The following CHST11 variants were observed in gnomAD, a reference collection of about 807,000 sequenced individuals.
CHST11 encodes the protein C4S-1.
A neutral mutation model predicts 30.4 loss-of-function variants in CHST11; 9 were observed. The observed-to-expected ratio is 0.30, with a 90% CI of 0.18 to 0.52. The LOEUF is 0.52. CHST11 is among the 20% of genes least tolerant of loss of function. CHST11 has a pLI of 0.97. For synonymous variants in CHST11, 152 were observed against 187.8 expected (o/e 0.81, Z 1.56); for missense variants, 348 against 460.6 (o/e 0.76, Z 2.24).
Position 104,564,914 on chromosome 12 carries a change from A to G in CHST11, c.119-36992A>G, listed in dbSNP as rs532609484. Among the ~76,000 whole-genome samples the G allele has an allele frequency of 1.2e-4, 19 of 152,238 alleles. No homozygotes were observed. In the East Asian group the frequency reaches 3.5e-3, roughly 28 times the overall value. Reference sequence around the variant, plus strand: ...CAGGGGAACTGCCCTTTATGAAACCATGAGATCTCTTGAGATTTACTCACT... The same window carrying G: ...CAGGGGAACTGCCCTTTATGAAACCGTGAGATCTCTTGAGATTTACTCACT... On this transcript the variant is annotated intron_variant, in intron 1 of 2. Coordinates refer to ENST00000303694, the MANE Select transcript of CHST11 (RefSeq NM_018413.6).
intron 2 of CHST11, among the ~76,000 whole-genome samples, chr12:104,733,354 T>G (rs1056041145): frequency 3.9e-5 from 6 of 152,142 alleles, no homozygotes; most frequent in African/African-American, 1.2e-4. Flanking sequence ...TATAAGGCCT[T>G]TGTGGGAGGC....
intron 1 of CHST11, among the ~76,000 whole-genome samples, chr12:104,493,541 T>C (rs2037770663): frequency 6.6e-6 from 1 of 152,106 alleles, no homozygotes; most frequent in Middle Eastern, 3.4e-3. Flanking sequence ...GGGGTGGAAA[T>C]AGTGTATGCG....
intron 2 of CHST11, among the ~76,000 whole-genome samples, chr12:104,627,806 G>T (rs771569540): frequency 3.9e-5 from 6 of 152,196 alleles, no homozygotes; most frequent in Non-Finnish European, 7.3e-5. Flanking sequence ...TGGTGGTGGT[G>T]GAGGATGACA....
Position 104,743,339 on chromosome 12 carries a change from C to T in CHST11, c.205-13610C>T, listed in dbSNP as rs539749305. On this transcript the variant is annotated intron_variant, in intron 2 of 2. Coordinates refer to ENST00000303694, the MANE Select transcript of CHST11 (RefSeq NM_018413.6). ...CTGAGTGTGAGCCTTCCTAACTGCA[C>T]CCAGGGACTCCCACAGTCTGGCTGG... 4.6e-5 allele frequency among the ~76,000 whole-genome samples: 7 copies of T among 152,296 alleles called. No homozygotes were observed. The East Asian group carries it at 1.4e-3, about 29-fold the overall frequency.
intron 1 of CHST11, among the ~76,000 whole-genome samples, chr12:104,539,603 C>T (rs7957854): frequency 0.043 from 6,582 of 152,164 alleles, 490 homozygotes; most frequent in African/African-American, 0.15. Context: ...AGCCAGGACA[C>T]GTTAGGACCC....
chr12:104,730,103 A>G (rs2040245378), intron 2 of CHST11, among the ~76,000 whole-genome samples: 1 of 152,160 alleles, frequency 6.6e-6, no homozygotes, highest in South Asian at 2.1e-4. Context: ...GCCTCCGTCT[A>G]GGGCCTTGTA....
chr12:104,632,305 G>T (rs748460265), intron 2 of CHST11, among the ~76,000 whole-genome samples: 1 of 152,174 alleles, frequency 6.6e-6, no homozygotes. Context: ...CATTTAGTTT[G>T]CAGGAGCCTA....
rs1399328426 is a variant in CHST11, at chr12:104,556,433, T to G, written c.119-45473T>G. 3.9e-5 allele frequency among the ~76,000 whole-genome samples: 6 copies of G among 152,274 alleles called. No homozygotes were observed. In the East Asian group the frequency reaches 1.2e-3, roughly 29 times the overall value. Reference sequence around the variant, plus strand: ...TCTCATTATCATAAAGTGGGTTGCTTGAAACAGACATTTATCCTCTCATGG... The same window carrying G: ...TCTCATTATCATAAAGTGGGTTGCTGGAAACAGACATTTATCCTCTCATGG... On this transcript the variant is annotated intron_variant, in intron 1 of 2. Transcript: ENST00000303694.
intron 1 of CHST11, among the ~76,000 whole-genome samples, chr12:104,532,079 C>T (rs1459765049): frequency 1.3e-5 from 2 of 152,216 alleles, no homozygotes. Context: ...GTGTTGGTCT[C>T]ATCTCTGTCT....
rs1375279080 is a variant in CHST11 at position 104,600,945 on chromosome 12, C to G, written c.119-961C>G. ...TTTTTCCTTTCCTCCTTCCTTTCCT[C>G]CCTCTTTTCCTCTCTCCTTCTTCCC... is the stretch of plus-strand genomic sequence containing the variant. On this transcript the variant is annotated intron_variant, in intron 1 of 2. Coordinates refer to ENST00000303694, the MANE Select transcript of CHST11 (RefSeq NM_018413.6). The surrounding 1 kb of genome is among the most constrained non-coding windows in gnomAD (Gnocchi z 4.1). Among the ~76,000 whole-genome samples the G allele has an allele frequency of 6.7e-6, 1 of 149,778 alleles. No homozygotes were observed. The highest frequency in any genetic ancestry group is 1.5e-5 in the Non-Finnish European group (1 of 67,406).
intron 2 of CHST11, among the ~76,000 whole-genome samples, chr12:104,756,020 G>A (rs1438038056): frequency 6.6e-6 from 1 of 152,172 alleles, no homozygotes; most frequent in East Asian, 1.9e-4. Flanking sequence ...TGGGGGCTTG[G>A]TTCCTGGGGC....
chr12:104,741,418 C>T (rs998406879), intron 2 of CHST11, among the ~76,000 whole-genome samples: 1 of 152,160 alleles, frequency 6.6e-6, no homozygotes, highest in Non-Finnish European at 1.5e-5. Flanking sequence ...ATGGCTCATG[C>T]GTGCCTTTGG....
chr12:104,627,493 A>G (rs2039227310), intron 2 of CHST11, among the ~76,000 whole-genome samples: 1 of 152,212 alleles, frequency 6.6e-6, no homozygotes, highest in African/African-American at 2.4e-5. Context: ...AGATCAGCGC[A>G]TACTCTCCCC....
At position 104,457,331 on chromosome 12, in the gene CHST11, C is replaced by T. The variant is rs1057015530; in HGVS notation, c.-81C>T. ...GCTCTGCCCCGCGCCTCCCGGGCTCCGGTCCGCGCGGCGGGGTCCCTGCTC... is the reference window on the plus strand; with the variant it reads ...GCTCTGCCCCGCGCCTCCCGGGCTCTGGTCCGCGCGGCGGGGTCCCTGCTC... On this transcript the variant is annotated 5_prime_UTR_variant, in exon 1 of 3. Coordinates refer to ENST00000303694, the MANE Select transcript of CHST11 (RefSeq NM_018413.6). 5 of 990,362 alleles carry T rather than the reference C, an allele frequency of 5.0e-6. No homozygotes were observed. Among genetic ancestry groups the T allele is most frequent in the African/African-American group, 3.2e-5 (2 of 62,406 alleles). The allele number at this position is 990,362 out of a possible 1,614,324, so 61.3% of individuals were successfully genotyped here.
At chr12:104,689,789 C>T (rs1451877585) in intron 2 of CHST11, among the ~76,000 whole-genome samples, 3 of 152,050 alleles carry the variant, frequency 2.0e-5, no homozygotes, top group Non-Finnish European at 4.4e-5. Flanking sequence ...ACAGACAAGC[C>T]CAGTTCCCTC....
chr12:104,676,381 T>C lies in CHST11; in HGVS notation c.204+74390T>C, dbSNP rs935895285. ...GCTCATGGCCGCATCTCCTCAACTC[T>C]GCTTCCATTGTCACATCTTTTCTGA... is the stretch of plus-strand genomic sequence containing the variant. On this transcript the variant is annotated intron_variant, in intron 2 of 2. Transcript: ENST00000303694. The surrounding 1 kb of genome is among the most constrained non-coding windows in gnomAD (Gnocchi z 4.4). 3.3e-5 allele frequency among the ~76,000 whole-genome samples: 5 copies of C among 152,200 alleles called. No individual in the cohort carries two copies. The highest frequency in any genetic ancestry group is 4.4e-5 in the Non-Finnish European group (3 of 68,032).
chr12:104,688,177 A>G (rs886536571), intron 2 of CHST11, among the ~76,000 whole-genome samples: 1 of 152,222 alleles, frequency 6.6e-6, no homozygotes, highest in Non-Finnish European at 1.5e-5. Context: ...AAAATGAGAT[A>G]CAAGTGTTCA....
At chr12:104,564,060 T>A (rs1167586801) in intron 1 of CHST11, among the ~76,000 whole-genome samples, 1 of 152,102 alleles carries the variant, frequency 6.6e-6, no homozygotes, top group African/African-American at 2.4e-5. Context: ...GTAGACTCAG[T>A]CTCTGCCCCT....
chr12:104,706,827 A>G (rs1031739812), intron 2 of CHST11, among the ~76,000 whole-genome samples: 3 of 152,172 alleles, frequency 2.0e-5, no homozygotes, highest in South Asian at 2.1e-4. Flanking sequence ...AAATGAGTCT[A>G]TGCCACTGTA....
Sources: gnomAD v4.1 joint callset for allele counts (sites outside exome capture counted in the v4.1 genomes callset) on GRCh38, gnomAD v4.1.1 for gene constraint, Gnocchi (gnomAD v3.1) non-coding constraint, MANE v1.5 for transcripts, NCBI Gene and HGNC (gene_info 2026-07-23, HGNC 2026-07-21) for gene names.